Variants in PDE11A observed in about 807,000 individuals in gnomAD.
PDE11A encodes phosphodiesterase 11A, also known as dual 3',5'-cyclic-AMP and -GMP phosphodiesterase 11A.
In PDE11A, 100 loss-of-function variants were observed where a neutral mutation model predicts 100.5. That is an observed-to-expected ratio of 1.00 (90% confidence interval 0.85 to 1.18). PDE11A has a LOEUF of 1.18. Among genes scored for constraint, PDE11A ranks in the 50% most tolerant of loss-of-function variants. The pLI is 0.00. For missense variants in PDE11A, 1,141 were observed against 1,152.6 expected, an observed-to-expected ratio of 0.99 and a Z score of 0.15; for synonymous variants, 381 against 420.8, an observed-to-expected ratio of 0.91 and a Z score of 1.16.
chr2:177,994,275 C>T (rs1347753930), intron 2 of PDE11A, among the ~76,000 whole-genome samples: 2 of 152,074 alleles, frequency 1.3e-5, no homozygotes, highest in African/African-American at 4.8e-5. Flanking sequence ...GATGTTTCCA[C>T]CAGCTTCTAA....
At chr2:177,885,306 G>A (rs1037923914) in intron 4 of PDE11A, among the ~76,000 whole-genome samples, 13 of 151,864 alleles carry the variant, frequency 8.6e-5, no homozygotes, top group Non-Finnish European at 1.8e-4. Context: ...ACAACCAAAT[G>A]CAGGTCGAAA....
intron 10 of PDE11A, among the ~76,000 whole-genome samples, chr2:177,738,576 C>G (rs2081827742): frequency 6.6e-6 from 1 of 152,192 alleles, no homozygotes; most frequent in Non-Finnish European, 1.5e-5. Context: ...ACTATGCTCT[C>G]TGTATACTGC....
intron 9 of PDE11A, among the ~76,000 whole-genome samples, chr2:177,774,371 G>A (rs558752396): frequency 1.3e-5 from 2 of 152,162 alleles, no homozygotes; most frequent in African/African-American, 2.4e-5. Context: ...GGAACAGCTC[G>A]TGTCAAGGCT....
intron 9 of PDE11A, among the ~76,000 whole-genome samples, chr2:177,799,954 A>G (rs1303869737): frequency 6.6e-6 from 1 of 152,114 alleles, no homozygotes; most frequent in Non-Finnish European, 1.5e-5. Flanking sequence ...TACTTTTGAC[A>G]TTATATGAAC....
intron 2 of PDE11A, among the ~76,000 whole-genome samples, chr2:177,985,975 C>G (rs2085934212): frequency 6.6e-6 from 1 of 152,180 alleles, no homozygotes. Context: ...AGGAAGCTAT[C>G]AAACTATTTC....
chr2:177,853,666 ATATATATATATATATG>A (rs1236658409), intron 5 of PDE11A, among the ~76,000 whole-genome samples: 1 of 31,926 alleles, frequency 3.1e-5, no homozygotes, highest in African/African-American at 1.0e-4. Context: ...ATATATATAT[ATATATATATATATATG>A]TGTGTGTGTG....
intron 1 of PDE11A, among the ~76,000 whole-genome samples, chr2:178,046,505 CTTGT>C: frequency 6.6e-6 from 1 of 152,126 alleles, no homozygotes; most frequent in Non-Finnish European, 1.5e-5. Context: ...ACTTAGGTTT[CTTGT>C]TTGTTCGTTT....
intron 19 of PDE11A, among the ~76,000 whole-genome samples, chr2:177,659,310 A>C (rs1216630914): frequency 1.3e-5 from 2 of 151,084 alleles, no homozygotes; most frequent in African/African-American, 4.9e-5. Flanking sequence ...GAAAAAAATC[A>C]AAGTTTACTG....
chr2:178,079,961 G>A (rs2087262678), intron 2 of PDE11A, among the ~76,000 whole-genome samples: 1 of 152,148 alleles, frequency 6.6e-6, no homozygotes. Flanking sequence ...AGAAGTGTCT[G>A]TTCATGTCCT....
At chr2:177,651,664 GTC>G (rs2080311153) in intron 19 of PDE11A, among the ~76,000 whole-genome samples, 1 of 152,036 alleles carries the variant, frequency 6.6e-6, no homozygotes, top group African/African-American at 2.4e-5. Context: ...CTTTCTGTAT[GTC>G]TCTGTTTCTC....
chr2:177,638,464 G>A (rs1037719552), intron 19 of PDE11A, among the ~76,000 whole-genome samples: 1 of 152,014 alleles, frequency 6.6e-6, no homozygotes, highest in African/African-American at 2.4e-5. Context: ...CCAAGTCTAT[G>A]ATCTATATAA....
chr2:177,885,705 A>G (rs1021453712), intron 4 of PDE11A, among the ~76,000 whole-genome samples: 1 of 152,188 alleles, frequency 6.6e-6, no homozygotes, highest in Non-Finnish European at 1.5e-5. Context: ...AGGGCACTGA[A>G]TTACGGACTG....
intron 1 of PDE11A, among the ~76,000 whole-genome samples, chr2:178,022,275 G>C (rs2086422441): frequency 6.6e-6 from 1 of 152,102 alleles, no homozygotes; most frequent in Non-Finnish European, 1.5e-5. Flanking sequence ...AGTTAGAGAA[G>C]TGAAAATGAC....
At chr2:177,875,095 G>C (rs146311283) in intron 5 of PDE11A, among the ~76,000 whole-genome samples, 257 of 152,052 alleles carry the variant, frequency 1.7e-3, no homozygotes, top group African/African-American at 5.9e-3. Context: ...GTGGTGGCAT[G>C]CCCTGGTAAT....
At chr2:177,985,773 TA>T (rs1010846957) in intron 2 of PDE11A, among the ~76,000 whole-genome samples, 2 of 152,186 alleles carry the variant, frequency 1.3e-5, no homozygotes, top group Admixed American at 1.3e-4. Flanking sequence ...ATTGATACAG[TA>T]CAAAGACAAA....
intron 9 of PDE11A, among the ~76,000 whole-genome samples, chr2:177,813,623 C>A (rs536115774): frequency 1.3e-5 from 2 of 152,034 alleles, no homozygotes; most frequent in South Asian, 4.2e-4. Flanking sequence ...ATGAAAAATG[C>A]CTTGGGAATA....
intron 1 of PDE11A, among the ~76,000 whole-genome samples, chr2:178,020,534 G>A (rs2086394295): frequency 6.6e-6 from 1 of 152,222 alleles, no homozygotes; most frequent in African/African-American, 2.4e-5. Context: ...CTTCATGCCT[G>A]TAATGCCAGC....
chr2:177,949,014 A>G (rs1168801968), intron 2 of PDE11A, among the ~76,000 whole-genome samples: 2 of 152,230 alleles, frequency 1.3e-5, no homozygotes, highest in African/African-American at 4.8e-5. Flanking sequence ...TTGTATTTAA[A>G]ATGTTTAATC....
Position 177,957,923 on chromosome 2 carries a change from C to T in PDE11A, c.1072-52736G>A, listed in dbSNP as rs1221660966. On this transcript the variant is annotated intron_variant, in intron 2 of 19. Coordinates refer to ENST00000286063, the MANE Select transcript of PDE11A (RefSeq NM_016953.4). ...TTTTTCCAATGCCTTTTTTTTGAGACGGAGTCTCTTGCTGTTGCCCAGGCT... is the reference window on the plus strand; with the variant it reads ...TTTTTCCAATGCCTTTTTTTTGAGATGGAGTCTCTTGCTGTTGCCCAGGCT... Among the ~76,000 whole-genome samples, 4 of 21,570 alleles carry T rather than the reference C, an allele frequency of 1.9e-4. No homozygotes were observed. The African/African-American group carries it at 3.0e-3, about 16-fold the overall frequency. The allele number at this position is 21,570 out of a possible 152,430, so 14.2% of individuals were successfully genotyped here.
Sources: gnomAD v4.1 joint callset for allele counts (sites outside exome capture counted in the v4.1 genomes callset) on GRCh38, gnomAD v4.1.1 for gene constraint, MANE v1.5 for transcripts, NCBI Gene and HGNC (gene_info 2026-07-23, HGNC 2026-07-21) for gene names.